The following MAGOH variants were observed in gnomAD, a reference collection of about 807,000 sequenced individuals.
MAGOH encodes mago homolog, exon junction complex subunit.
In MAGOH, 3 loss-of-function variants were observed where a neutral mutation model predicts 20.9. The ratio of observed to expected loss-of-function variants is 0.14; its 90% CI spans 0.07 to 0.37. The LOEUF (loss-of-function observed/expected upper bound fraction) is 0.37. Ranked by LOEUF, MAGOH falls within the 10% of genes least tolerant of loss-of-function variation. The pLI, the probability that MAGOH is intolerant of heterozygous loss-of-function variation, is 1.00. For synonymous variants in MAGOH, 51 were observed against 61.0 expected, an observed-to-expected ratio of 0.84 and a Z score of 0.76; for missense variants, 66 against 178.1, an observed-to-expected ratio of 0.37 and a Z score of 3.58.
intron 4 of MAGOH, 147 bp downstream of exon 4, chr1:53,228,725 G>T (rs1645572572): frequency 2.9e-5 from 19 of 654,836 alleles, no homozygotes. Flanking sequence ...ATAATTTGGG[G>T]TTCCTCCCTA....
At chr1:53,238,057 G>A (rs1381868717) in intron 1 of MAGOH, among the ~76,000 whole-genome samples, 2 of 152,142 alleles carry the variant, frequency 1.3e-5, no homozygotes, top group East Asian at 3.9e-4. Context: ...TCATCTTTTT[G>A]TTTATGATCT....
chr1:53,238,060 T>C (rs1475442652), intron 1 of MAGOH, among the ~76,000 whole-genome samples: 1 of 152,230 alleles, frequency 6.6e-6, no homozygotes, highest in Non-Finnish European at 1.5e-5. Flanking sequence ...TCTTTTTGTT[T>C]ATGATCTCTC....
intron 3 of MAGOH, among the ~76,000 whole-genome samples, chr1:53,229,796 G>C (rs140330127): frequency 6.6e-6 from 1 of 152,076 alleles, no homozygotes; most frequent in Non-Finnish European, 1.5e-5. Context: ...GTGTGCATCC[G>C]TGGTCCCAGC....
At chr1:53,234,181 G>A (rs1645600098) in intron 2 of MAGOH, among the ~76,000 whole-genome samples, 1 of 152,082 alleles carries the variant, frequency 6.6e-6, no homozygotes, top group African/African-American at 2.4e-5. Flanking sequence ...TCTGGAGGAT[G>A]CAAAAACAAG....
At chr1:53,235,871 G>A (rs759291428) in intron 1 of MAGOH, among the ~76,000 whole-genome samples, 1 of 152,332 alleles carries the variant, frequency 6.6e-6, no homozygotes, top group African/African-American at 2.4e-5. Context: ...CAGCTCAGGT[G>A]GGGTATAAAC....
chr1:53,231,420 T>C (rs1557727916), intron 3 of MAGOH, among the ~76,000 whole-genome samples: 1 of 152,210 alleles, frequency 6.6e-6, no homozygotes, highest in Non-Finnish European at 1.5e-5. Flanking sequence ...TCTTACCCCT[T>C]AAGGAGTTTT....
At chr1:53,238,277 C>G (rs966590521) in intron 1 of MAGOH, 84 bp downstream of exon 1, 1 of 1,257,482 alleles carries the variant, frequency 8.0e-7, no homozygotes, top group African/African-American at 1.5e-5. Flanking sequence ...CTCTAGTTCC[C>G]CACAGATTTC....
intron 3 of MAGOH, 109 bp from the exon 4 acceptor site, chr1:53,229,063 A>G (rs2100301916): frequency 4.2e-6 from 3 of 719,748 alleles, no homozygotes; most frequent in East Asian, 5.3e-5. Flanking sequence ...AGATGGCCAC[A>G]AAAACAAGGG....
intron 2 of MAGOH, 127 bp from the exon 3 acceptor site, chr1:53,233,779 C>T (rs978975106): frequency 6.0e-6 from 4 of 671,024 alleles, no homozygotes; most frequent in South Asian, 3.5e-5. Context: ...AGTGGGAAGA[C>T]ATTCATGCTC....
At chr1:53,238,236 T>C (rs949076201) in intron 1 of MAGOH, 125 bp downstream of exon 1, 4 of 810,784 alleles carry the variant, frequency 4.9e-6, no homozygotes, top group South Asian at 1.5e-5. Context: ...TCCTTTAAGA[T>C]CTGCACTGCA....
At chr1:53,232,283 T>C (rs1024223533) in intron 3 of MAGOH, among the ~76,000 whole-genome samples, 58 of 152,210 alleles carry the variant, frequency 3.8e-4, no homozygotes, top group African/African-American at 1.3e-3. Context: ...GGTTTTCATA[T>C]TAATTTAACA....
At chr1:53,229,484 C>T (rs1473482251) in intron 3 of MAGOH, among the ~76,000 whole-genome samples, 1 of 152,180 alleles carries the variant, frequency 6.6e-6, no homozygotes. Flanking sequence ...GAACTCCTGA[C>T]CTCAGGTGAT....
chr1:53,227,539 T>A (rs977261414), intron 4 of MAGOH, among the ~76,000 whole-genome samples: 1 of 152,064 alleles, frequency 6.6e-6, no homozygotes, highest in Non-Finnish European at 1.5e-5. Flanking sequence ...TTTTTTTGTT[T>A]TGTTTTGTTT....
intron 3 of MAGOH, 41 bp downstream of exon 3, chr1:53,233,501 T>C (rs765685435): frequency 1.3e-5 from 19 of 1,428,222 alleles, no homozygotes; most frequent in Admixed American, 7.1e-5. Flanking sequence ...GGGGTCTTAT[T>C]TGTAAGATTT....
chr1:53,226,967 T>C lies in MAGOH; in HGVS notation c.*78A>G, dbSNP rs1232551866. ...ATTTATTAAAGACAATCATTTATAG[T>C]TCATAAAAAAATACTGCCCTGATAT... On this transcript the variant is annotated 3_prime_UTR_variant, in exon 5 of 5. Transcript: ENST00000371470. 2 of 702,608 alleles carry C rather than the reference T, an allele frequency of 2.8e-6. No individual in the cohort carries two copies. Among genetic ancestry groups the C allele is most frequent in the Non-Finnish European group, 4.8e-6 (2 of 416,436 alleles). 43.5% of individuals were successfully genotyped at this position (702,608 alleles called of 1,614,324 possible). A position where few individuals can be genotyped will look rare whatever the true frequency, so the allele number is the denominator to read the frequency against.
At chr1:53,235,674 CAT>C (rs746561718) in intron 1 of MAGOH, 39 bp from the exon 2 acceptor site, 3 of 1,544,378 alleles carry the variant, frequency 1.9e-6, no homozygotes, top group South Asian at 1.1e-5. Context: ...ATAATAAAAA[CAT>C]ATGAATAAAG....
intron 1 of MAGOH, among the ~76,000 whole-genome samples, chr1:53,237,590 CTT>C (rs773585274): frequency 1.0e-4 from 15 of 145,614 alleles, no homozygotes; most frequent in Non-Finnish European, 1.6e-4. Flanking sequence ...AGGAGAATCA[CTT>C]GAACCCGGGA....
At chr1:53,230,246 C>T (rs1270565259) in intron 3 of MAGOH, among the ~76,000 whole-genome samples, 5 of 151,922 alleles carry the variant, frequency 3.3e-5, no homozygotes, top group East Asian at 1.9e-4. Context: ...ATCAGAAAAT[C>T]GAAAAAACTG....
At chr1:53,236,340 G>A (rs1157757788) in intron 1 of MAGOH, among the ~76,000 whole-genome samples, 1 of 152,180 alleles carries the variant, frequency 6.6e-6, no homozygotes, top group African/African-American at 2.4e-5. Context: ...ATCAGATTAG[G>A]TTACTCTAAT....
Sources: allele counts gnomAD v4.1 joint callset (sites outside exome capture counted in the v4.1 genomes callset), GRCh38; gene constraint gnomAD v4.1.1; transcripts MANE v1.5; gene names NCBI Gene and HGNC (gene_info 2026-07-23, HGNC 2026-07-21).